The following ESR1 variants were observed in gnomAD, a reference collection of about 807,000 sequenced individuals.
ESR1 encodes the protein estrogen receptor 1.
A neutral mutation model predicts 52.7 loss-of-function variants in ESR1; 12 were observed. That is an observed-to-expected ratio of 0.23 (90% CI 0.15 to 0.37). The LOEUF (loss-of-function observed/expected upper bound fraction) is 0.37, where lower values mean the gene tolerates loss of function less well. Ranked by LOEUF, ESR1 falls within the 10% of genes least tolerant of loss-of-function variation. The pLI, the probability that ESR1 is intolerant of heterozygous loss-of-function variation, is 1.00. For missense variants in ESR1, 584 were observed against 779.7 expected (o/e 0.75, Z 2.99); for synonymous variants, 305 against 316.8 (o/e 0.96, Z 0.39).
chr6:151,884,801 T>G (rs1419423022), intron 3 of ESR1, among the ~76,000 whole-genome samples: 5 of 152,194 alleles, frequency 3.3e-5, no homozygotes, highest in Non-Finnish European at 5.9e-5. Flanking sequence ...TTCATTTGTC[T>G]CCTTCCTCTT....
intron 2 of ESR1, among the ~76,000 whole-genome samples, chr6:151,859,016 A>G (rs73626793): frequency 0.038 from 5,811 of 152,266 alleles, 350 homozygotes; most frequent in African/African-American, 0.13. Context: ...AAGAAAAACT[A>G]CAGGAGTAGT....
chr6:151,712,969 T>C (rs939593982), intron 2 of ESR1, among the ~76,000 whole-genome samples: 1 of 152,194 alleles, frequency 6.6e-6, no homozygotes, highest in Non-Finnish European at 1.5e-5. Flanking sequence ...GTATTAGCTG[T>C]GGGCTTGTCA....
chr6:152,000,051 AG>A (rs1288625504), intron 4 of ESR1, among the ~76,000 whole-genome samples: 4 of 152,060 alleles, frequency 2.6e-5, no homozygotes, highest in African/African-American at 9.7e-5. Context: ...ATAATGAAAA[AG>A]GAAGTAATAC....
intron 4 of ESR1, among the ~76,000 whole-genome samples, chr6:151,963,686 T>A (rs6557177): frequency 6.6e-5 from 10 of 152,130 alleles, no homozygotes; most frequent in African/African-American, 2.4e-4. Context: ...TTTAGTTTCA[T>A]GCTATCAAAC....
chr6:152,014,789 A>G (rs968467170), intron 5 of ESR1, among the ~76,000 whole-genome samples: 5 of 152,012 alleles, frequency 3.3e-5, no homozygotes, highest in African/African-American at 4.8e-5. Flanking sequence ...CTTTCAGTCC[A>G]TCTCCCATAC....
At chr6:151,892,055 A>G (rs948561210) in intron 3 of ESR1, among the ~76,000 whole-genome samples, 23 of 152,218 alleles carry the variant, frequency 1.5e-4, no homozygotes, top group African/African-American at 5.5e-4. Flanking sequence ...ATTCTGGTAT[A>G]TAAAAACATC....
intron 2 of ESR1, among the ~76,000 whole-genome samples, chr6:151,851,176 G>GTTC (rs1432659134): frequency 1.3e-5 from 2 of 152,086 alleles, no homozygotes; most frequent in Non-Finnish European, 2.9e-5. Context: ...TGAATTCCTT[G>GTTC]TTCTTCTACA....
intron 2 of ESR1, among the ~76,000 whole-genome samples, chr6:151,742,772 G>A (rs1783192685): frequency 1.3e-5 from 2 of 152,228 alleles, no homozygotes; most frequent in South Asian, 2.1e-4. Context: ...TTCATTGATC[G>A]TCATTACACT....
intron 2 of ESR1, among the ~76,000 whole-genome samples, chr6:151,775,486 A>G (rs1423019268): frequency 5.9e-5 from 9 of 152,066 alleles, no homozygotes; most frequent in Admixed American, 5.2e-4. Flanking sequence ...GGTGGCTGAC[A>G]CCTGTAATCC....
intron 6 of ESR1, among the ~76,000 whole-genome samples, chr6:152,114,985 C>T (rs946158179): frequency 8.3e-5 from 12 of 143,920 alleles, no homozygotes; most frequent in African/African-American, 3.1e-4. Context: ...TATCATTATT[C>T]TTATAGCAAC....
rs1021030913 is a variant in ESR1, at chr6:152,098,344, A to G, written c.1554-388A>G. 5.9e-4 allele frequency among the ~76,000 whole-genome samples: 90 copies of G among 151,858 alleles called. No homozygotes were observed. Among genetic ancestry groups the G allele is most frequent in the African/African-American group, 2.2e-3 (89 of 41,332 alleles). On this transcript the variant is annotated intron_variant, in intron 7 of 7. Coordinates refer to ENST00000206249, the MANE Select transcript of ESR1 (RefSeq NM_000125.4). The surrounding 1 kb of genome is among the most constrained non-coding windows in gnomAD (Gnocchi z 5.1). Reference sequence around the variant, plus strand: ...CCACTCCTGCTTGGCTGAATATCTCATGTTGTCTTTTTAGAAGCTTTGGCG... The same window carrying G: ...CCACTCCTGCTTGGCTGAATATCTCGTGTTGTCTTTTTAGAAGCTTTGGCG...
At chr6:151,990,530 T>C (rs1409807499) in intron 4 of ESR1, among the ~76,000 whole-genome samples, 1 of 151,776 alleles carries the variant, frequency 6.6e-6, no homozygotes, top group Non-Finnish European at 1.5e-5. Context: ...GTGGAGGATA[T>C]AGCCCTCTTG....
intron 3 of ESR1, among the ~76,000 whole-genome samples, chr6:151,881,110 A>C (rs1331015344): frequency 6.6e-6 from 1 of 152,212 alleles, no homozygotes; most frequent in Admixed American, 6.5e-5. Flanking sequence ...GTTACTGTTT[A>C]TGTTGCAAAT....
At chr6:151,964,567 TG>T (rs1346774122) in intron 4 of ESR1, among the ~76,000 whole-genome samples, 2 of 152,182 alleles carry the variant, frequency 1.3e-5, no homozygotes, top group Non-Finnish European at 2.9e-5. Context: ...AACAGTTTTT[TG>T]ATAAAAGTTT....
chr6:151,995,235 A>G (rs2041372701), intron 4 of ESR1, among the ~76,000 whole-genome samples: 1 of 152,190 alleles, frequency 6.6e-6, no homozygotes, highest in Non-Finnish European at 1.5e-5. Flanking sequence ...TTGTTCCAGG[A>G]CAAGTGACAT....
chr6:152,034,290 AAAAT>A (rs10588683), intron 5 of ESR1, among the ~76,000 whole-genome samples: 128,920 of 150,208 alleles, frequency 0.86, 55,387 homozygotes, highest in Admixed American at 0.88. Flanking sequence ...AAGTACAATA[AAAAT>A]AAATAAATAA....
chr6:152,002,749 C>T (rs1305705189), intron 4 of ESR1, among the ~76,000 whole-genome samples: 1 of 151,578 alleles, frequency 6.6e-6, no homozygotes, highest in Non-Finnish European at 1.5e-5. Flanking sequence ...TCTTTCTGAG[C>T]GTGTAAGGAA....
intron 1 of ESR1, among the ~76,000 whole-genome samples, chr6:151,824,597 T>C (rs1391488198): frequency 6.6e-6 from 1 of 152,232 alleles, no homozygotes; most frequent in East Asian, 1.9e-4. Flanking sequence ...AGGGTTTTTA[T>C]GGTTTTAGGT....
intron 1 of ESR1, among the ~76,000 whole-genome samples, chr6:151,658,606 TTTTA>T (rs1777534852): frequency 6.6e-6 from 1 of 152,238 alleles, no homozygotes; most frequent in South Asian, 2.1e-4. Context: ...TAATATGTGC[TTTTA>T]TTTATTTGTT....
Sources: gnomAD v4.1 joint callset for allele counts (sites outside exome capture counted in the v4.1 genomes callset) on GRCh38, gnomAD v4.1.1 for gene constraint, Gnocchi (gnomAD v3.1) non-coding constraint, MANE v1.5 for transcripts, NCBI Gene and HGNC (gene_info 2026-07-23, HGNC 2026-07-21) for gene names.